Variants in MLKL observed in about 807,000 individuals in gnomAD.
MLKL encodes mixed lineage kinase domain like pseudokinase, also known as mixed lineage kinase domain-like protein.
A neutral mutation model predicts 56.5 loss-of-function variants in MLKL; 55 were observed. That is an observed-to-expected ratio of 0.97 (90% confidence interval 0.78 to 1.22). The LOEUF is 1.22. Ranked by LOEUF, MLKL falls within the 50% of genes most tolerant of loss-of-function variation. MLKL has a pLI of 0.00. For missense variants in MLKL, 694 were observed against 573.9 expected (o/e 1.21, Z -2.14); for synonymous variants, 251 against 208.3 (o/e 1.20, Z -1.76).
At chr16:74,686,933 C>T (rs1960365595) in intron 4 of MLKL, among the ~76,000 whole-genome samples, 1 of 152,154 alleles carries the variant, frequency 6.6e-6, no homozygotes, top group Non-Finnish European at 1.5e-5. Flanking sequence ...AAGTCTCACC[C>T]TGAAAATTTT....
chr16:74,685,727 G>A lies in MLKL; in HGVS notation c.723-144C>T, dbSNP rs576280826. 3 of 657,608 alleles carry A rather than the reference G, an allele frequency of 4.6e-6. No individual in the cohort carries two copies. In the East Asian group the frequency reaches 8.2e-5, roughly 18 times the overall value. The allele number at this position is 657,608 out of a possible 1,614,324, so 40.7% of individuals were successfully genotyped here. ...TGGTGCCAGGATGAACTCAGCTACT[G>A]ATAACAACATGTGGAACCCCTCAGG... On this transcript the variant is annotated intron_variant, in intron 4 of 10. Coordinates refer to ENST00000308807, the MANE Select transcript of MLKL (RefSeq NM_152649.4).
At chr16:74,693,881 G>A (rs1442130552) in intron 2 of MLKL, among the ~76,000 whole-genome samples, 1 of 152,138 alleles carries the variant, frequency 6.6e-6, no homozygotes, top group Non-Finnish European at 1.5e-5. Context: ...GGGATTACAG[G>A]CGTGAGCCAC....
At chr16:74,690,926 C>T (rs909461370) in intron 4 of MLKL, among the ~76,000 whole-genome samples, 3 of 151,514 alleles carry the variant, frequency 2.0e-5, no homozygotes, top group Admixed American at 6.6e-5. Flanking sequence ...AGACACGTAA[C>T]TCTACCAGTT....
At chr16:74,700,128 CTCTCTCTCTCACTCTG>C (rs1321509238) in intron 1 of MLKL, among the ~76,000 whole-genome samples, 1 of 151,936 alleles carries the variant, frequency 6.6e-6, no homozygotes, top group Non-Finnish European at 1.5e-5. Flanking sequence ...TTTCCCTCTT[CTCTCTCTCTCACTCTG>C]TCTCTCTCTC....
At chr16:74,686,692 T>G (rs758949991) in intron 4 of MLKL, among the ~76,000 whole-genome samples, 1 of 152,214 alleles carries the variant, frequency 6.6e-6, no homozygotes, top group Non-Finnish European at 1.5e-5. Context: ...AGAGGATCAC[T>G]GGAACCACCA....
At chr16:74,688,115 C>CAT (rs1960447446) in intron 4 of MLKL, among the ~76,000 whole-genome samples, 1 of 151,764 alleles carries the variant, frequency 6.6e-6, no homozygotes, top group South Asian at 2.1e-4. Context: ...TGAGCCACTG[C>CAT]GCCCAGCCAA....
chr16:74,694,066 A>G (rs1228414700), intron 2 of MLKL, among the ~76,000 whole-genome samples: 1 of 152,210 alleles, frequency 6.6e-6, no homozygotes, highest in African/African-American at 2.4e-5. Context: ...TATATAATTC[A>G]ATGGATATTT....
intron 4 of MLKL, 131 bp from the exon 5 acceptor site, chr16:74,685,714 G>A: frequency 1.5e-6 from 1 of 685,238 alleles, no homozygotes; most frequent in East Asian, 2.7e-5. Flanking sequence ...GTGCCAGGAT[G>A]AACTCAGCTA....
At chr16:74,690,547 G>C (rs538385181) in intron 4 of MLKL, among the ~76,000 whole-genome samples, 37 of 152,220 alleles carry the variant, frequency 2.4e-4, no homozygotes, top group Non-Finnish European at 4.7e-4. Context: ...ATTTTGGAAG[G>C]CTGAGGCAGA....
intron 4 of MLKL, among the ~76,000 whole-genome samples, chr16:74,688,506 G>A (rs146472275): frequency 1.8e-3 from 274 of 152,124 alleles, no homozygotes; most frequent in Non-Finnish European, 3.3e-3. Context: ...TTGAGGTTAG[G>A]AGTTTCAGAC....
intron 10 of MLKL, among the ~76,000 whole-genome samples, chr16:74,673,796 TA>T (rs1458283581): frequency 6.6e-6 from 1 of 151,720 alleles, no homozygotes. Context: ...GACAACAAGA[TA>T]ATGCTGCTGT....
intron 5 of MLKL, among the ~76,000 whole-genome samples, chr16:74,684,333 G>T (rs1220543356): frequency 6.7e-6 from 1 of 150,278 alleles, no homozygotes; most frequent in African/African-American, 2.5e-5. Flanking sequence ...GATAAGACAG[G>T]AGTTGCTCTG....
At chr16:74,696,343 G>A (rs891005503) in intron 1 of MLKL, among the ~76,000 whole-genome samples, 1 of 152,134 alleles carries the variant, frequency 6.6e-6, no homozygotes, top group Non-Finnish European at 1.5e-5. Flanking sequence ...GAGGTTTCAG[G>A]GGCCAGGCGG....
chr16:74,682,847 A>C (rs1960077671), intron 5 of MLKL, 61 bp from the exon 6 acceptor site: 1 of 1,589,864 alleles, frequency 6.3e-7, no homozygotes, highest in African/African-American at 1.3e-5. Context: ...CCATGTCTGC[A>C]GCCCACCTCT....
intron 6 of MLKL, among the ~76,000 whole-genome samples, 196 bp downstream of exon 6, chr16:74,682,455 G>C (rs1337947219): frequency 1.3e-5 from 2 of 152,056 alleles, no homozygotes; most frequent in South Asian, 4.1e-4. Flanking sequence ...AATTTCAACC[G>C]TCAGTTCTGG....
intron 1 of MLKL, among the ~76,000 whole-genome samples, chr16:74,699,042 G>A (rs371736778): frequency 6.6e-5 from 10 of 150,626 alleles, no homozygotes; most frequent in African/African-American, 2.5e-4. Flanking sequence ...GAACCCGGGA[G>A]GTGGAGGTTG....
At position 74,685,536 on chromosome 16, in the gene MLKL, A is replaced by G; in HGVS notation, c.770T>C (p.Phe257Ser). 1 of 1,614,142 alleles carries G rather than the reference A, an allele frequency of 6.2e-7. No individual in the cohort carries two copies. The highest frequency in any genetic ancestry group is 8.5e-7 in the Non-Finnish European group (1 of 1,180,006). Residue 257 changes from phenylalanine (F) to serine (S), a missense_variant, in exon 5 of 11, where the codon TTC (phenylalanine) becomes TCC (serine). By Grantham distance (155) the Phe-to-Ser change is radical. Transcript: ENST00000308807. ...TATACGCAGGATGTTGGGAGATTCG[A>G]ATTTCTTCATGGTTTTGATCTCCTT... ...FNKEIKTMKK[F>S]ESPNILRIFG...
At chr16:74,681,393 T>C (rs79701692) in intron 6 of MLKL, among the ~76,000 whole-genome samples, 1,542 of 152,160 alleles carry the variant, frequency 0.01, 26 homozygotes, top group African/African-American at 0.035. Flanking sequence ...CTGGTAGTAG[T>C]ATAGTTAAAA....
Position 74,682,742 on chromosome 16 carries a change from C to T in MLKL, c.865G>A (p.Gly289Arg), listed in dbSNP as rs150170082. Residue 289 changes from glycine to arginine, a missense_variant, in exon 6 of 11, where the codon GGG (glycine) becomes AGG (arginine). Physicochemically the swap from Gly to Arg is moderately radical, Grantham distance 125 (BLOSUM62 -2). Transcript: ENST00000308807. ...CTATCCAACAGCTCCCTCAGGGTCCCGAGTTCACAGTACTCCATGACAATG... is the reference window on the plus strand; with the variant it reads ...CTATCCAACAGCTCCCTCAGGGTCCTGAGTTCACAGTACTCCATGACAATG... ...FSIVMEYCELGTLRELLDREK... is the reference protein window; with the variant it reads ...FSIVMEYCELRTLRELLDREK... 1.2e-4 allele frequency: 200 copies of T among 1,614,076 alleles called. No homozygotes were observed. In the East Asian group the frequency reaches 3.0e-3, roughly 24 times the overall value.
Sources: allele counts gnomAD v4.1 joint callset (sites outside exome capture counted in the v4.1 genomes callset), GRCh38; gene constraint gnomAD v4.1.1; transcripts MANE v1.5; gene names NCBI Gene and HGNC (gene_info 2026-07-23, HGNC 2026-07-21).